PRLR: variants seen among roughly 807,000 people sequenced by gnomAD.
PRLR encodes the protein prolactin receptor.
A neutral mutation model predicts 40.2 loss-of-function variants in PRLR; 13 were observed. The ratio of observed to expected loss-of-function variants is 0.32; its 90% CI spans 0.21 to 0.51. The LOEUF is 0.51. Ranked by LOEUF, PRLR falls within the 20% of genes least tolerant of loss-of-function variation. The pLI is 0.97. For missense variants in PRLR, 656 were observed against 747.3 expected (o/e 0.88, Z 1.42); for synonymous variants, 269 against 278.7 (o/e 0.97, Z 0.35).
intron 1 of PRLR, among the ~76,000 whole-genome samples, chr5:35,177,489 G>A (rs1775182402): frequency 2.6e-5 from 4 of 152,088 alleles, no homozygotes; most frequent in Admixed American, 2.6e-4. Flanking sequence ...CCAGCCCCTG[G>A]CAAACACTCA....
At chr5:35,096,452 G>C (rs1162353518) in intron 2 of PRLR, among the ~76,000 whole-genome samples, 1 of 152,152 alleles carries the variant, frequency 6.6e-6, no homozygotes. Flanking sequence ...CTGATTTTCA[G>C]AGGAACTAGT....
At chr5:35,213,879 C>A (rs1039784776) in intron 1 of PRLR, among the ~76,000 whole-genome samples, 6 of 152,316 alleles carry the variant, frequency 3.9e-5, no homozygotes, top group Admixed American at 3.9e-4. Context: ...GTCCTCAGTG[C>A]CTGGGGCCCA....
chr5:35,102,462 T>A (rs1771943893), intron 2 of PRLR, among the ~76,000 whole-genome samples: 1 of 150,666 alleles, frequency 6.6e-6, no homozygotes, highest in African/African-American at 2.4e-5. Context: ...TCCTTTCCTG[T>A]CCCATCCCGT....
chr5:35,133,803 AT>A (rs1439157522), intron 1 of PRLR, among the ~76,000 whole-genome samples: 1 of 152,254 alleles, frequency 6.6e-6, no homozygotes, highest in East Asian at 1.9e-4. Context: ...GAGCAAAAAA[AT>A]GTCACAGTCT....
chr5:35,153,670 G>T (rs879729974), intron 1 of PRLR, among the ~76,000 whole-genome samples: 4 of 148,862 alleles, frequency 2.7e-5, no homozygotes, highest in Non-Finnish European at 4.5e-5. Context: ...TCTGAGTGTC[G>T]TTTCCCATTT....
In PRLR at chr5:35,062,889, G is replaced by C. The variant is rs1769126382; in HGVS notation, c.*2200C>G. On this transcript the variant is annotated 3_prime_UTR_variant, in exon 10 of 10. Transcript: ENST00000618457. The stretch of plus-strand genomic sequence containing the variant: ...CTTTTTTTGCCTGCTTACATGCAGT[G>C]TTGTTCATTGCAAGTCAAACAGACT... The C allele has an allele frequency of 6.6e-6, 1 of 152,184 alleles. No individual in the cohort carries two copies. 9.4% of individuals were successfully genotyped at this position (152,184 alleles called of 1,614,324 possible).
At chr5:35,090,772 C>A in intron 2 of PRLR, among the ~76,000 whole-genome samples, 1 of 146,000 alleles carries the variant, frequency 6.8e-6, no homozygotes, top group African/African-American at 2.6e-5. Context: ...TTTGGGCACC[C>A]AGGTACCATC....
chr5:35,153,700 A>G (rs974953502), intron 1 of PRLR, among the ~76,000 whole-genome samples: 3 of 149,104 alleles, frequency 2.0e-5, no homozygotes, highest in East Asian at 2.0e-4. Context: ...TGCTCTGCCA[A>G]CTGTTCCCCA....
At chr5:35,146,977 C>A (rs773119400) in intron 1 of PRLR, among the ~76,000 whole-genome samples, 4 of 151,962 alleles carry the variant, frequency 2.6e-5, no homozygotes, top group Non-Finnish European at 5.9e-5. Context: ...ACACACATGC[C>A]CAACTCCTAT....
chr5:35,203,382 A>T (rs1775930372), intron 1 of PRLR, among the ~76,000 whole-genome samples: 1 of 152,202 alleles, frequency 6.6e-6, no homozygotes, highest in Admixed American at 6.5e-5. Context: ...CATTGTGTTG[A>T]GTGTGTAATT....
At chr5:35,229,440 C>G (rs947816066) in intron 1 of PRLR, among the ~76,000 whole-genome samples, 1 of 152,124 alleles carries the variant, frequency 6.6e-6, no homozygotes, top group Non-Finnish European at 1.5e-5. Context: ...AGGTAGAGGT[C>G]ACTAAAAGGA....
At chr5:35,072,044 C>T (rs7714636) in intron 6 of PRLR, among the ~76,000 whole-genome samples, 16,339 of 151,790 alleles carry the variant, frequency 0.11, 1,218 homozygotes, top group African/African-American at 0.21. Flanking sequence ...TACAGGTGCC[C>T]GCCACCACAC....
chr5:35,132,065 A>C (rs993664547), intron 1 of PRLR, among the ~76,000 whole-genome samples: 3 of 152,000 alleles, frequency 2.0e-5, no homozygotes, highest in African/African-American at 4.8e-5. Flanking sequence ...TTCAATCCTC[A>C]CTCTGGCTTT....
intron 1 of PRLR, among the ~76,000 whole-genome samples, chr5:35,166,625 C>G (rs1774841037): frequency 1.3e-5 from 2 of 152,082 alleles, no homozygotes; most frequent in African/African-American, 4.8e-5. Flanking sequence ...ATTCAATATT[C>G]TCCTTTCAAT....
intron 1 of PRLR, among the ~76,000 whole-genome samples, chr5:35,136,395 G>T (rs1384411040): frequency 6.6e-6 from 1 of 152,182 alleles, no homozygotes; most frequent in Non-Finnish European, 1.5e-5. Context: ...TGTCATAGGG[G>T]CTGTCCTGTG....
At chr5:35,186,148 G>GA (rs1775423880) in intron 1 of PRLR, among the ~76,000 whole-genome samples, 1 of 152,038 alleles carries the variant, frequency 6.6e-6, no homozygotes, top group Admixed American at 6.5e-5. Context: ...GACTTTGTAT[G>GA]AAAAAGGGAA....
chr5:35,081,076 G>A (rs1770480930), intron 5 of PRLR: 1 of 151,352 alleles, frequency 6.6e-6, no homozygotes, highest in Non-Finnish European at 1.5e-5. Context: ...AGCATTAGGA[G>A]ATATACCTAA....
At chr5:35,049,995 C>A (rs933138559) in intron 8 of PRLR, among the ~76,000 whole-genome samples, 6 of 151,214 alleles carry the variant, frequency 4.0e-5, no homozygotes, top group African/African-American at 1.5e-4. Flanking sequence ...GCAACCTCCG[C>A]CTCCCAGGTT....
chr5:35,227,389 C>A (rs1047409777), intron 1 of PRLR, among the ~76,000 whole-genome samples: 9 of 152,094 alleles, frequency 5.9e-5, no homozygotes, highest in Non-Finnish European at 1.2e-4. Context: ...CTGAGCTAGG[C>A]GGATGTGGGG....
Sources: allele counts gnomAD v4.1 joint callset (sites outside exome capture counted in the v4.1 genomes callset), GRCh38; gene constraint gnomAD v4.1.1; transcripts MANE v1.5; gene names NCBI Gene and HGNC (gene_info 2026-07-23, HGNC 2026-07-21).